Variants in SLC1A1 observed in about 807,000 individuals in gnomAD.
SLC1A1 encodes the protein excitatory amino acid transporter 3.
Under a neutral mutation model 53.3 loss-of-function variants are expected in SLC1A1, and 43 were observed. The observed-to-expected ratio is 0.81, with a 90% CI of 0.63 to 1.04. The LOEUF (loss-of-function observed/expected upper bound fraction) is 1.04, where lower values mean the gene tolerates loss of function less well. SLC1A1 is among the 50% of genes least tolerant of loss of function. The pLI is 0.00. For missense variants in SLC1A1, 748 were observed against 664.9 expected, an observed-to-expected ratio of 1.12 and a Z score of -1.37; for synonymous variants, 307 against 243.2, an observed-to-expected ratio of 1.26 and a Z score of -2.44.
chr9:4,544,745 T>C (rs1381760816), intron 2 of SLC1A1, 38 bp downstream of exon 2: 2 of 1,539,710 alleles, frequency 1.3e-6, no homozygotes, highest in East Asian at 2.2e-5. Flanking sequence ...TATTAGTCCA[T>C]TTTCATACTG....
chr9:4,563,968 A>G (rs7868565), intron 3 of SLC1A1, among the ~76,000 whole-genome samples: 10,550 of 152,202 alleles, frequency 0.069, 1,203 homozygotes, highest in African/African-American at 0.24. Context: ...CTGGGCTAGA[A>G]AATGGATCAT....
intron 2 of SLC1A1, among the ~76,000 whole-genome samples, chr9:4,545,143 T>C (rs903590088): frequency 6.6e-6 from 1 of 150,564 alleles, no homozygotes; most frequent in Non-Finnish European, 1.5e-5. Context: ...AGCTTTCACC[T>C]AAGTTGTTCT....
At chr9:4,567,574 T>A (rs1183894904) in intron 5 of SLC1A1, 95 bp from the exon 6 acceptor site, 1 of 786,060 alleles carries the variant, frequency 1.3e-6, no homozygotes, top group Non-Finnish European at 2.2e-6. Context: ...AGTGGCACTG[T>A]TTGGCCAAAA....
intron 2 of SLC1A1, among the ~76,000 whole-genome samples, chr9:4,561,000 C>A (rs997648136): frequency 5.3e-5 from 5 of 94,068 alleles, no homozygotes; most frequent in African/African-American, 1.5e-4. Context: ...TGTCTCAAAA[C>A]AAACAAACAA....
At chr9:4,507,714 A>T (rs1300747046) in intron 1 of SLC1A1, among the ~76,000 whole-genome samples, 1 of 152,198 alleles carries the variant, frequency 6.6e-6, no homozygotes, top group Non-Finnish European at 1.5e-5. Flanking sequence ...TCGACTTAGC[A>T]TTCTGAGTTC....
At chr9:4,517,970 G>A (rs976804160) in intron 1 of SLC1A1, among the ~76,000 whole-genome samples, 8 of 152,098 alleles carry the variant, frequency 5.3e-5, no homozygotes, top group African/African-American at 1.4e-4. Context: ...GCTCACGCCT[G>A]TAATCCCAGC....
Position 4,586,485 on chromosome 9 carries a change from TA to T in SLC1A1, c.*928del, listed in dbSNP as rs1821584017. ...CTCCAAGGTGGCATAGCCATTCATT[TA>T]CAACTTCCAGATTTGAGCTGCCTGG... On this transcript the variant is annotated 3_prime_UTR_variant, in exon 12 of 12. Transcript: ENST00000262352. 6.6e-6 allele frequency: 1 copy of T among 152,204 alleles called. No homozygotes were observed. The highest frequency in any genetic ancestry group is 2.1e-4 in the South Asian group (1 of 4,830). 9.4% of individuals were successfully genotyped at this position (152,204 alleles called of 1,614,324 possible).
intron 1 of SLC1A1, among the ~76,000 whole-genome samples, chr9:4,495,710 A>G (rs1820390723): frequency 6.6e-6 from 1 of 151,872 alleles, no homozygotes; most frequent in African/African-American, 2.4e-5. Flanking sequence ...GGGGCAGAGC[A>G]ATAGGGTGGT....
intron 2 of SLC1A1, among the ~76,000 whole-genome samples, chr9:4,547,974 T>C (rs988685221): frequency 6.6e-6 from 1 of 152,186 alleles, no homozygotes; most frequent in African/African-American, 2.4e-5. Flanking sequence ...AAAATGTATA[T>C]ACATTTTTAA....
intron 5 of SLC1A1, among the ~76,000 whole-genome samples, 175 bp from the exon 6 acceptor site, chr9:4,567,494 A>T (rs1183023871): frequency 6.6e-6 from 1 of 152,200 alleles, no homozygotes; most frequent in Non-Finnish European, 1.5e-5. Flanking sequence ...CCTCGCTTTT[A>T]GTTCCAAAAC....
intron 10 of SLC1A1, 116 bp downstream of exon 10, chr9:4,576,879 T>C: frequency 1.0e-6 from 1 of 974,738 alleles, no homozygotes; most frequent in Admixed American, 1.8e-5. Context: ...TCTTGATCTA[T>C]AAAGTCCCTT....
At position 4,496,276 on chromosome 9, in the gene SLC1A1, G is replaced by A. The variant is rs185634233; in HGVS notation, c.91+5506G>A. Reference sequence around the variant, plus strand: ...GGGTCTGAGGAGGAAGTTCAACAGCGTTGGGGATACAAAGGACAGGGATGT... The same window carrying A: ...GGGTCTGAGGAGGAAGTTCAACAGCATTGGGGATACAAAGGACAGGGATGT... On this transcript the variant is annotated intron_variant, in intron 1 of 11. Transcript: ENST00000262352. Among the ~76,000 whole-genome samples the A allele has an allele frequency of 4.6e-5, 7 of 152,282 alleles. No homozygotes were observed. In the East Asian group the frequency reaches 9.7e-4, roughly 21 times the overall value.
chr9:4,566,108 G>T lies in SLC1A1; in HGVS notation c.483+19G>T. On this transcript the variant is annotated intron_variant, in intron 5 of 11. Transcript: ENST00000262352. ...TCAGCAGGTAATATTAATTACTTGT[G>T]CCCTTAACTTGCTACCCTCTTCCCA... 6.2e-7 allele frequency: 1 copy of T among 1,601,020 alleles called. No homozygotes were observed. Among genetic ancestry groups the T allele is most frequent in the Admixed American group, 1.7e-5 (1 of 59,986 alleles).
intron 2 of SLC1A1, 119 bp from the exon 3 acceptor site, chr9:4,561,330 C>T: frequency 6.5e-6 from 5 of 763,772 alleles, no homozygotes. Context: ...TGTTATTGCC[C>T]ATTGTCTGTA....
rs546242594 is a variant in SLC1A1 at position 4,556,892 on chromosome 9, A to G, written c.233-4557A>G. Among the ~76,000 whole-genome samples, 5 of 152,190 alleles carry G rather than the reference A, an allele frequency of 3.3e-5. No homozygotes were observed. In the East Asian group the frequency reaches 7.7e-4, roughly 23 times the overall value. On this transcript the variant is annotated intron_variant, in intron 2 of 11. Transcript: ENST00000262352. The surrounding 1 kb of genome is among the most constrained non-coding windows in gnomAD (Gnocchi z 4.1). ...GAATTTCAGAGGGGTGGTGATTAGGAAAACGGCTTTGGGGGGTGGTTTTGC... is the reference window on the plus strand; with the variant it reads ...GAATTTCAGAGGGGTGGTGATTAGGGAAACGGCTTTGGGGGGTGGTTTTGC...
intron 7 of SLC1A1, 39 bp downstream of exon 7, chr9:4,572,427 A>T: frequency 6.5e-7 from 1 of 1,545,714 alleles, no homozygotes; most frequent in Non-Finnish European, 8.9e-7. Flanking sequence ...GCTTCCCCTG[A>T]CAATTCTGTC....
At chr9:4,506,014 G>T (rs907873134) in intron 1 of SLC1A1, among the ~76,000 whole-genome samples, 13 of 151,906 alleles carry the variant, frequency 8.6e-5, no homozygotes, top group African/African-American at 2.4e-4. Context: ...TTAGTAGAGA[G>T]GGGGTTTCAC....
chr9:4,522,276 C>T (rs1474273968), intron 1 of SLC1A1, among the ~76,000 whole-genome samples: 3 of 152,014 alleles, frequency 2.0e-5, no homozygotes, highest in African/African-American at 7.3e-5. Flanking sequence ...TGGTCTCGAT[C>T]TCCTGACCTT....
intron 1 of SLC1A1, among the ~76,000 whole-genome samples, chr9:4,494,020 C>T (rs2130788238): frequency 6.6e-6 from 1 of 152,330 alleles, no homozygotes; most frequent in African/African-American, 2.4e-5. Context: ...AGGTGACCAT[C>T]TTTTTAAATT....
Sources: allele counts gnomAD v4.1 joint callset (sites outside exome capture counted in the v4.1 genomes callset), GRCh38; gene constraint gnomAD v4.1.1; non-coding constraint Gnocchi (gnomAD v3.1); transcripts MANE v1.5; gene names NCBI Gene and HGNC (gene_info 2026-07-23, HGNC 2026-07-21).